B3GALT5: variants seen among roughly 807,000 people sequenced by gnomAD.
The protein encoded by B3GALT5 is beta-1,3-galactosyltransferase 5.
For synonymous variants in B3GALT5, 156 were observed against 158.6 expected, an observed-to-expected ratio of 0.98 and a Z score of 0.12; for missense variants, 328 against 396.6, an observed-to-expected ratio of 0.83 and a Z score of 1.47.
At chr21:39,627,026 T>C (rs1053638472) in intron 1 of B3GALT5, among the ~76,000 whole-genome samples, 1 of 152,208 alleles carries the variant, frequency 6.6e-6, no homozygotes, top group African/African-American at 2.4e-5. Context: ...GACTTTCTTC[T>C]TTTCAGCTGT....
At chr21:39,655,676 C>G (rs1376144099) in intron 2 of B3GALT5, among the ~76,000 whole-genome samples, 1 of 152,154 alleles carries the variant, frequency 6.6e-6, no homozygotes, top group Non-Finnish European at 1.5e-5. Context: ...GGTGAGTCGT[C>G]CTGCAGCTTA....
At chr21:39,659,641 C>A in intron 2 of B3GALT5, 112 bp from the exon 3 acceptor site, 2 of 554,384 alleles carry the variant, frequency 3.6e-6, no homozygotes, top group Non-Finnish European at 4.6e-6. Context: ...CAAATGCGTG[C>A]TCAGAGTCAC....
chr21:39,614,194 T>G (rs994670938), intron 1 of B3GALT5, among the ~76,000 whole-genome samples: 1 of 152,224 alleles, frequency 6.6e-6, no homozygotes, highest in African/African-American at 2.4e-5. Flanking sequence ...TTAAAACAGG[T>G]GCGTGTAATA....
At chr21:39,626,801 T>G (rs563847936) in intron 1 of B3GALT5, among the ~76,000 whole-genome samples, 2 of 150,856 alleles carry the variant, frequency 1.3e-5, no homozygotes, top group East Asian at 3.9e-4. Flanking sequence ...TGTTTTTTGT[T>G]GTTGACAGAC....
In B3GALT5 at chr21:39,662,357, A is replaced by C. The variant is rs2079536484; in HGVS notation, c.*865A>C. On this transcript the variant is annotated 3_prime_UTR_variant, in exon 4 of 4. Coordinates refer to ENST00000684187, the MANE Select transcript of B3GALT5 (RefSeq NM_001356336.2). ...TCACCCCAACTGTCCCTTGTTTTTG[A>C]TCAATGGGGACCAGCCACTGCCCCA... The C allele has an allele frequency of 6.0e-6, 1 of 167,004 alleles. No homozygotes were observed. The highest frequency in any genetic ancestry group is 1.5e-5 in the Non-Finnish European group (1 of 68,136). The allele number at this position is 167,004 out of a possible 1,614,324, so 10.3% of individuals were successfully genotyped here.
rs560132172 is a variant in B3GALT5, at chr21:39,625,601, A to G, written c.-392+12534A>G. Among the ~76,000 whole-genome samples, 6 of 152,324 alleles carry G rather than the reference A, an allele frequency of 3.9e-5. No individual in the cohort carries two copies. In the East Asian group the frequency reaches 1.2e-3, roughly 29 times the overall value. On this transcript the variant is annotated intron_variant, in intron 1 of 3. Transcript: ENST00000684187. ...TTTTTGAGATTCATTATGCATATTA[A>G]TTTTGGAAGATTTCCAAAAAGTCCT... is the stretch of plus-strand genomic sequence containing the variant.
At chr21:39,617,120 T>C (rs1392443421) in intron 1 of B3GALT5, among the ~76,000 whole-genome samples, 1 of 152,210 alleles carries the variant, frequency 6.6e-6, no homozygotes, top group Non-Finnish European at 1.5e-5. Flanking sequence ...CCCTTCTCAC[T>C]ATCCTGAATT....
At chr21:39,654,735 T>C (rs1159187638) in intron 2 of B3GALT5, among the ~76,000 whole-genome samples, 2 of 152,180 alleles carry the variant, frequency 1.3e-5, no homozygotes, top group Non-Finnish European at 2.9e-5. Context: ...CCCTGATCAG[T>C]CAGGAGCCAT....
intron 2 of B3GALT5, among the ~76,000 whole-genome samples, chr21:39,652,752 T>C (rs1447077332): frequency 6.6e-6 from 1 of 152,182 alleles, no homozygotes; most frequent in Non-Finnish European, 1.5e-5. Flanking sequence ...GGCCAACTGA[T>C]GTGTAAAAGC....
intron 1 of B3GALT5, among the ~76,000 whole-genome samples, chr21:39,614,951 C>T (rs2079099920): frequency 6.6e-6 from 1 of 152,212 alleles, no homozygotes; most frequent in African/African-American, 2.4e-5. Flanking sequence ...GACCGGGATA[C>T]TGATGAGGAT....
chr21:39,633,792 A>G (rs1010482408), intron 1 of B3GALT5, among the ~76,000 whole-genome samples: 2 of 152,200 alleles, frequency 1.3e-5, no homozygotes, highest in Admixed American at 6.5e-5. Context: ...AATTGCTTTC[A>G]TATATATTTG....
At chr21:39,654,294 C>A (rs1643310018) in intron 2 of B3GALT5, among the ~76,000 whole-genome samples, 2 of 152,188 alleles carry the variant, frequency 1.3e-5, no homozygotes, top group Non-Finnish European at 2.9e-5. Flanking sequence ...GTTGGCCAGG[C>A]TAGTCTTGAA....
In B3GALT5 at chr21:39,661,157, G is replaced by C; in HGVS notation, c.598G>C (p.Val200Leu). The change falls in exon 4 of 4, where the codon GTC (valine) becomes CTC (leucine). Residue 200 changes from valine (V) to leucine (L), a missense_variant. Transcript: ENST00000684187. This position sits in a 1 kb window ranked among gnomAD's most constrained non-coding sequence, Gnocchi z 4.7. ...PIRQPFSKWF[V>L]SKSEYPWDRY... Reference sequence around the variant, plus strand: ...CAGGCAGCCATTCAGCAAGTGGTTTGTCAGTAAATCTGAATATCCGTGGGA... The same window carrying C: ...CAGGCAGCCATTCAGCAAGTGGTTTCTCAGTAAATCTGAATATCCGTGGGA... 1.2e-6 allele frequency: 2 copies of C among 1,613,964 alleles called. No homozygotes were observed. Among genetic ancestry groups the C allele is most frequent in the South Asian group, 1.1e-5 (1 of 91,052 alleles).
intron 1 of B3GALT5, among the ~76,000 whole-genome samples, chr21:39,626,963 G>A (rs529160784): frequency 6.6e-6 from 1 of 152,078 alleles, no homozygotes; most frequent in Non-Finnish European, 1.5e-5. Flanking sequence ...CCTGTTCTCA[G>A]GCTGGACCTA....
chr21:39,646,323 A>G (rs591524), intron 1 of B3GALT5, 69 bp from the exon 2 acceptor site: 59,869 of 152,050 alleles, frequency 0.39, 11,840 homozygotes, highest in South Asian at 0.49. Flanking sequence ...TCTTCTGAGG[A>G]ATAATTGAAG....
rs1190384440 is a variant in B3GALT5, at chr21:39,665,321, C to T, written c.*3829C>T. 1.3e-5 allele frequency: 2 copies of T among 152,334 alleles called. No homozygotes were observed. Among genetic ancestry groups the T allele is most frequent in the Non-Finnish European group, 1.5e-5 (1 of 68,152 alleles). The allele number at this position is 152,334 out of a possible 1,614,324, so 9.4% of individuals were successfully genotyped here. Reference sequence around the variant, plus strand: ...GCCTGCATTGCCTCTCACCTGCATTCGTGCAGCTACCTCCAGACCCTCCCT... The same window carrying T: ...GCCTGCATTGCCTCTCACCTGCATTTGTGCAGCTACCTCCAGACCCTCCCT... On this transcript the variant is annotated 3_prime_UTR_variant, in exon 4 of 4. Transcript: ENST00000684187.
rs528053908 is a variant in B3GALT5 at position 39,662,952 on chromosome 21, C to G, written c.*1460C>G. On this transcript the variant is annotated 3_prime_UTR_variant, in exon 4 of 4. Transcript: ENST00000684187. ...TTGACCATGTTCAATTGCAAAAGTA[C>G]GTCTGATATCCTATTTTGCATACCA... is the stretch of plus-strand genomic sequence containing the variant. The G allele has an allele frequency of 6.3e-6, 1 of 159,110 alleles. No individual in the cohort carries two copies. The highest frequency in any genetic ancestry group is 1.9e-4 in the East Asian group (1 of 5,180). The allele number at this position is 159,110 out of a possible 1,614,324, so 9.9% of individuals were successfully genotyped here. A position where few individuals can be genotyped will look rare whatever the true frequency, so the allele number is the denominator to read the frequency against.
At position 39,642,679 on chromosome 21, in the gene B3GALT5, T is replaced by C. The variant is rs183665409; in HGVS notation, c.-391-3713T>C. ...AGAACATTTTCCTCACTTTTTAAAATGGATTAACATATGGAGGAAGTGGGA... is the reference window on the plus strand; with the variant it reads ...AGAACATTTTCCTCACTTTTTAAAACGGATTAACATATGGAGGAAGTGGGA... On this transcript the variant is annotated intron_variant, in intron 1 of 3. Transcript: ENST00000684187. Among the ~76,000 whole-genome samples, 327 of 152,336 alleles carry C rather than the reference T, an allele frequency of 2.1e-3. 2 individuals carry two copies. Among genetic ancestry groups the C allele is most frequent in the African/African-American group, 7.5e-3 (312 of 41,584 alleles).
At position 39,613,004 on chromosome 21, in the gene B3GALT5, A is replaced by T. The variant is rs1440833587; in HGVS notation, c.-455A>T. ...GCGCCCCCTGCGTCCGCGGGCCGGG[A>T]TGCGGCTCTGAGCCAGCGGCGGCTT... On this transcript the variant is annotated 5_prime_UTR_variant, in exon 1 of 4. It removes an upstream start codon present in the reference 5' UTR. Transcript: ENST00000684187. 6.6e-6 allele frequency: 1 copy of T among 151,406 alleles called. No individual in the cohort carries two copies. Among genetic ancestry groups the T allele is most frequent in the Admixed American group, 6.6e-5 (1 of 15,204 alleles). The allele number at this position is 151,406 out of a possible 1,614,324, so 9.4% of individuals were successfully genotyped here. A position where few individuals can be genotyped will look rare whatever the true frequency, so the allele number is the denominator to read the frequency against.
Sources: gnomAD v4.1 joint callset for allele counts (sites outside exome capture counted in the v4.1 genomes callset) on GRCh38, gnomAD v4.1.1 for gene constraint, Gnocchi (gnomAD v3.1) non-coding constraint, MANE v1.5 for transcripts, NCBI Gene and HGNC (gene_info 2026-07-23, HGNC 2026-07-21) for gene names.